WDR33: variants seen among roughly 807,000 people sequenced by gnomAD.
WDR33 encodes WD repeat domain 33.
A neutral mutation model predicts 164.9 loss-of-function variants in WDR33; 47 were observed. That is an observed-to-expected ratio of 0.29 (90% confidence interval 0.23 to 0.36). WDR33 has a LOEUF of 0.36. Ranked by LOEUF, WDR33 falls within the 10% of genes least tolerant of loss-of-function variation. WDR33 has a pLI of 1.00. For missense variants in WDR33, 1,137 were observed against 1,754.1 expected, an observed-to-expected ratio of 0.65 and a Z score of 6.28; for synonymous variants, 505 against 589.0, an observed-to-expected ratio of 0.86 and a Z score of 2.06.
intron 1 of WDR33, among the ~76,000 whole-genome samples, chr2:127,797,908 G>A (rs1039040217): frequency 6.6e-6 from 1 of 152,006 alleles, no homozygotes; most frequent in African/African-American, 2.4e-5. Flanking sequence ...CAGCTACTCA[G>A]GGGGCTGAAG....
In WDR33 at chr2:127,704,642, T is replaced by TAACA. The variant is rs1015203323; in HGVS notation, c.*1677_*1680dup. The TAACA allele has an allele frequency of 6.0e-6, 1 of 167,114 alleles. No individual in the cohort carries two copies. The highest frequency in any genetic ancestry group is 2.4e-5 in the African/African-American group (1 of 41,472). The allele number at this position is 167,114 out of a possible 1,614,324, so 10.4% of individuals were successfully genotyped here. ...TAAAAAAAAAATAGTCTCTAGATTC[T>TAACA]AACACTGAAAAGCAGTGTATATGGC... On this transcript the variant is annotated 3_prime_UTR_variant, in exon 22 of 22. Transcript: ENST00000322313.
chr2:127,718,482 T>C lies in WDR33; in HGVS notation c.2760+783A>G, dbSNP rs2105379159. 6.6e-6 allele frequency among the ~76,000 whole-genome samples: 1 copy of C among 152,260 alleles called. No individual in the cohort carries two copies. On this transcript the variant is annotated intron_variant, in intron 16 of 21. Coordinates refer to ENST00000322313, the MANE Select transcript of WDR33 (RefSeq NM_018383.5). This position sits in a 1 kb window ranked among gnomAD's most constrained non-coding sequence, Gnocchi z 4.4. ...ATTACATCTATTTATGCTCATGCAATTCTTTTCGTAATTCACTCCCCCAAG... is the reference window on the plus strand; with the variant it reads ...ATTACATCTATTTATGCTCATGCAACTCTTTTCGTAATTCACTCCCCCAAG...
chr2:127,806,391 A>G (rs1227137636), intron 1 of WDR33, among the ~76,000 whole-genome samples: 1 of 151,886 alleles, frequency 6.6e-6, no homozygotes, highest in African/African-American at 2.4e-5. Context: ...TATTTTTAGT[A>G]GAGACGAGGT....
In WDR33 at chr2:127,737,995, C is replaced by A. The variant is rs1262330442; in HGVS notation, c.725-11218G>T. ...ATGTGGCTCCCTAAACTTTGTCCAC[C>A]TACTGTTATTCACCTCTTGACAGAA... On this transcript the variant is annotated intron_variant, in intron 7 of 21. Coordinates refer to ENST00000322313, the MANE Select transcript of WDR33 (RefSeq NM_018383.5). 6 of 1,612,024 alleles carry A rather than the reference C, an allele frequency of 3.7e-6. No homozygotes were observed. In the Admixed American group the frequency reaches 1.0e-4, roughly 27 times the overall value.
At position 127,720,543 on chromosome 2, in the gene WDR33, T is replaced by C. The variant is rs1686412923; in HGVS notation, c.1672-190A>G. On this transcript the variant is annotated intron_variant, in intron 15 of 21. Coordinates refer to ENST00000322313, the MANE Select transcript of WDR33 (RefSeq NM_018383.5). The surrounding 1 kb of genome is among the most constrained non-coding windows in gnomAD (Gnocchi z 5.9). Reference sequence around the variant, plus strand: ...TAAGGAGTTTTAGGTTCTTTCTCATTCTTTTTAAGTCCTGGGACACAGTAG... The same window carrying C: ...TAAGGAGTTTTAGGTTCTTTCTCATCCTTTTTAAGTCCTGGGACACAGTAG... Among the ~76,000 whole-genome samples, 2 of 152,156 alleles carry C rather than the reference T, an allele frequency of 1.3e-5. No homozygotes were observed. The highest frequency in any genetic ancestry group is 2.9e-5 in the Non-Finnish European group (2 of 68,024).
At chr2:127,748,442 G>A (rs949196764) in intron 7 of WDR33, among the ~76,000 whole-genome samples, 2 of 152,144 alleles carry the variant, frequency 1.3e-5, no homozygotes, top group Non-Finnish European at 2.9e-5. Flanking sequence ...TAATTCACAG[G>A]GAGGGCAGCT....
chr2:127,709,981 A>C lies in WDR33; in HGVS notation c.3309-125T>G, dbSNP rs904017940. 8 of 1,249,824 alleles carry C rather than the reference A, an allele frequency of 6.4e-6. No homozygotes were observed. Among genetic ancestry groups the C allele is most frequent in the Non-Finnish European group, 8.8e-6 (8 of 904,110 alleles). 77.4% of individuals were successfully genotyped at this position (1,249,824 alleles called of 1,614,324 possible). A position where few individuals can be genotyped will look rare whatever the true frequency, so the allele number is the denominator to read the frequency against. On this transcript the variant is annotated intron_variant, in intron 18 of 21. Transcript: ENST00000322313. This position sits in a 1 kb window ranked among gnomAD's most constrained non-coding sequence, Gnocchi z 5.0. ...TGTTAATTGGGAGGAAAACAAAATA[A>C]AACTATATATTTTTGAAAGGATACA...
intron 7 of WDR33, among the ~76,000 whole-genome samples, chr2:127,744,996 A>G (rs1328424960): frequency 1.3e-5 from 2 of 152,192 alleles, no homozygotes; most frequent in Admixed American, 6.5e-5. Context: ...ACTGCTAACG[A>G]AGCCAGGTTG....
intron 7 of WDR33, among the ~76,000 whole-genome samples, chr2:127,730,406 T>C (rs1231531713): frequency 6.6e-6 from 1 of 152,074 alleles, no homozygotes. Flanking sequence ...AATGTTGATA[T>C]ATTTAGATCC....
chr2:127,715,845 G>A (rs1686286339), intron 17 of WDR33, among the ~76,000 whole-genome samples: 2 of 152,200 alleles, frequency 1.3e-5, no homozygotes, highest in African/African-American at 2.4e-5. Flanking sequence ...GGGCGGCGGC[G>A]GCGGTTATTC....
intron 1 of WDR33, among the ~76,000 whole-genome samples, chr2:127,788,791 G>C (rs1159250068): frequency 1.2e-4 from 18 of 147,976 alleles, no homozygotes; most frequent in African/African-American, 4.5e-4. Flanking sequence ...CTGGCCGGGC[G>C]GGGGGTTGAC....
At chr2:127,794,993 A>G (rs973008791) in intron 1 of WDR33, among the ~76,000 whole-genome samples, 2 of 151,902 alleles carry the variant, frequency 1.3e-5, no homozygotes, top group African/African-American at 2.4e-5. Context: ...TGGTGTCAAA[A>G]CATAAAAATA....
Position 127,708,902 on chromosome 2 carries a change from GA to G in WDR33, c.3566-11del. The G allele has an allele frequency of 6.5e-7, 1 of 1,542,910 alleles. No homozygotes were observed. Among genetic ancestry groups the G allele is most frequent in the Non-Finnish European group, 8.8e-7 (1 of 1,140,038 alleles). On this transcript the variant is annotated splice_polypyrimidine_tract_variant and intron_variant, in intron 20 of 21. Coordinates refer to ENST00000322313, the MANE Select transcript of WDR33 (RefSeq NM_018383.5). The surrounding 1 kb of genome is among the most constrained non-coding windows in gnomAD (Gnocchi z 6.7). Reference sequence around the variant, plus strand: ...TGTTCATGACCTGGCCCTGAAACAAGAAACAAATCTCCTTACAGGAAAGCAC... The same window carrying G: ...TGTTCATGACCTGGCCCTGAAACAAGAACAAATCTCCTTACAGGAAAGCAC...
intron 4 of WDR33, among the ~76,000 whole-genome samples, chr2:127,767,139 G>A (rs908705901): frequency 1.3e-5 from 2 of 151,940 alleles, no homozygotes; most frequent in African/African-American, 4.8e-5. Context: ...CTCTCTCCCA[G>A]GACTTCTTGG....
rs13386006 is a variant in WDR33, at chr2:127,716,818, G to A, written c.2869+337C>T. Among the ~76,000 whole-genome samples the A allele has an allele frequency of 7.0e-3, 1,065 of 152,334 alleles. 10 individuals are homozygous for A. Among genetic ancestry groups the A allele is most frequent in the African/African-American group, 0.024 (1,014 of 41,566 alleles). On this transcript the variant is annotated intron_variant, in intron 17 of 21. Transcript: ENST00000322313. This position sits in a 1 kb window ranked among gnomAD's most constrained non-coding sequence, Gnocchi z 4.5. Reference sequence around the variant, plus strand: ...CTGTCACACAATTCAAGCACAAACAGTCCATCTCTTCAGGGTGCTACAAAC... The same window carrying A: ...CTGTCACACAATTCAAGCACAAACAATCCATCTCTTCAGGGTGCTACAAAC...
Position 127,708,650 on chromosome 2 carries a change from G to A in WDR33, c.3781+27C>T, listed in dbSNP as rs201878558. 215 of 1,552,298 alleles carry A rather than the reference G, an allele frequency of 1.4e-4. No homozygotes were observed. The African/African-American group carries it at 2.5e-3, about 18-fold the overall frequency. Reference sequence around the variant, plus strand: ...CCTCCATCGGCCCCTGCATCTCCTGGAACCATAACCACTGGCCTGCTCTTA... The same window carrying A: ...CCTCCATCGGCCCCTGCATCTCCTGAAACCATAACCACTGGCCTGCTCTTA... On this transcript the variant is annotated intron_variant, in intron 21 of 21. Coordinates refer to ENST00000322313, the MANE Select transcript of WDR33 (RefSeq NM_018383.5). The surrounding 1 kb of genome is among the most constrained non-coding windows in gnomAD (Gnocchi z 6.7).
In WDR33 at chr2:127,717,249, T is replaced by C. The variant is rs754128110; in HGVS notation, c.2775A>G (p.Thr925=). ...GGCCTGGTATCAGGGGTGGGGGGCC[T>C]GTGCTCTGTCCTTCCTGAAAATATG... ...RAPFNQEGQS[T]GPPPLIPGLG... The change falls in exon 17 of 22, where the codon ACA becomes ACG. Residue 925 remains threonine (T), a synonymous_variant. Transcript: ENST00000322313. The surrounding 1 kb of genome is among the most constrained non-coding windows in gnomAD (Gnocchi z 5.6). 14 of 1,596,708 alleles carry C rather than the reference T, an allele frequency of 8.8e-6. No homozygotes were observed. In the South Asian group the frequency reaches 1.3e-4, roughly 14 times the overall value.
In WDR33 at chr2:127,722,186, TG is replaced by T. The variant is rs1313910439; in HGVS notation, c.1519-199del. 4.6e-5 allele frequency among the ~76,000 whole-genome samples: 7 copies of T among 152,142 alleles called. No homozygotes were observed. Among genetic ancestry groups the T allele is most frequent in the African/African-American group, 1.4e-4 (6 of 41,428 alleles). ...TATTACTAGGTAGAAATTACTATGGTGATAAAAGCTGCAAGACACTGCATGT... is the reference window on the plus strand; with the variant it reads ...TATTACTAGGTAGAAATTACTATGGTATAAAAGCTGCAAGACACTGCATGT... On this transcript the variant is annotated intron_variant, in intron 14 of 21. Transcript: ENST00000322313. This position sits in a 1 kb window ranked among gnomAD's most constrained non-coding sequence, Gnocchi z 5.1.
intron 7 of WDR33, among the ~76,000 whole-genome samples, chr2:127,758,084 C>T (rs770819243): frequency 1.3e-5 from 2 of 152,164 alleles, no homozygotes; most frequent in Non-Finnish European, 2.9e-5. Context: ...CTATTTAATA[C>T]ACCTTATAAC....
Sources: allele counts gnomAD v4.1 joint callset (sites outside exome capture counted in the v4.1 genomes callset), GRCh38; gene constraint gnomAD v4.1.1; non-coding constraint Gnocchi (gnomAD v3.1); transcripts MANE v1.5; gene names NCBI Gene and HGNC (gene_info 2026-07-23, HGNC 2026-07-21).